AGMO: variants seen among roughly 807,000 people sequenced by gnomAD.
AGMO encodes the protein glyceryl-ether monooxygenase.
Under a neutral mutation model 60.2 loss-of-function variants are expected in AGMO, and 75 were observed. The observed-to-expected ratio is 1.25, with a 90% CI of 1.03 to 1.51. AGMO has a LOEUF of 1.51. Ranked by LOEUF, AGMO falls within the 40% of genes most tolerant of loss-of-function variation. AGMO has a pLI of 0.00. For missense variants in AGMO, 763 were observed against 525.5 expected, an observed-to-expected ratio of 1.45 and a Z score of -4.42; for synonymous variants, 261 against 177.1, an observed-to-expected ratio of 1.47 and a Z score of -3.76.
the AGMO span, among the ~76,000 whole-genome samples, chr7:15,170,994 T>C: frequency 9.9e-5 from 15 of 152,220 alleles, no homozygotes; most frequent in African/African-American, 3.6e-4. Flanking sequence ...TATGTTTTTT[T>C]AGATGGAGTC....
intron 12 of AGMO, among the ~76,000 whole-genome samples, chr7:15,235,538 A>G (rs1190385292): frequency 6.6e-6 from 1 of 152,158 alleles, no homozygotes; most frequent in Non-Finnish European, 1.5e-5. Flanking sequence ...GACGACTAAC[A>G]CAAAGACGGA....
chr7:15,418,053 A>C (rs1172309835), intron 5 of AGMO, among the ~76,000 whole-genome samples: 2 of 152,114 alleles, frequency 1.3e-5, no homozygotes, highest in Non-Finnish European at 2.9e-5. Flanking sequence ...TTTTTTGGAA[A>C]AAAATTAACA....
Position 15,248,193 on chromosome 7 carries a change from T to TATATATATAC in AGMO, c.1264-46835_1264-46834insGTATATATAT, listed in dbSNP as rs1554401229. Among the ~76,000 whole-genome samples the TATATATATAC allele has an allele frequency of 3.2e-4, 23 of 72,408 alleles. 1 individual carries two copies. Among genetic ancestry groups the TATATATATAC allele is most frequent in the Non-Finnish European group, 2.6e-4 (10 of 38,266 alleles). The allele number at this position is 72,408 out of a possible 152,430, so 47.5% of individuals were successfully genotyped here. On this transcript the variant is annotated intron_variant, in intron 12 of 12. Coordinates refer to ENST00000342526, the MANE Select transcript of AGMO (RefSeq NM_001004320.2). ...TGATCCAGCACCATATATATATATATATATATATATATATATATATATATA... is the reference window on the plus strand; with the variant it reads ...TGATCCAGCACCATATATATATATATATATATATACATATATATATATATATATATATATA...
the AGMO span, among the ~76,000 whole-genome samples, chr7:15,138,852 T>A: frequency 6.6e-6 from 1 of 152,156 alleles, no homozygotes. Context: ...AATTGTAAAT[T>A]GACTTTTTCA....
At chr7:15,383,608 T>C (rs956893100) in intron 10 of AGMO, among the ~76,000 whole-genome samples, 2 of 152,188 alleles carry the variant, frequency 1.3e-5, no homozygotes, top group Non-Finnish European at 2.9e-5. Context: ...ATAGGTCTTA[T>C]ATTGAAATTA....
intron 5 of AGMO, among the ~76,000 whole-genome samples, chr7:15,399,262 A>G (rs1219964467): frequency 3.3e-5 from 5 of 151,924 alleles, no homozygotes; most frequent in African/African-American, 1.2e-4. Flanking sequence ...GAAATTTTAT[A>G]AATAAGCACC....
intron 12 of AGMO, among the ~76,000 whole-genome samples, chr7:15,338,004 G>A (rs1342373171): frequency 1.3e-5 from 2 of 152,154 alleles, no homozygotes; most frequent in Admixed American, 6.5e-5. Flanking sequence ...CTCCAGGGAA[G>A]ATGTGACCAA....
chr7:15,502,093 T>A (rs1238370637), intron 3 of AGMO, among the ~76,000 whole-genome samples: 1 of 152,080 alleles, frequency 6.6e-6, no homozygotes, highest in East Asian at 1.9e-4. Flanking sequence ...ATTTGTCCTC[T>A]GTGGGCATTT....
chr7:15,322,527 A>AAAT (rs1781156771), intron 12 of AGMO, among the ~76,000 whole-genome samples: 1 of 54,948 alleles, frequency 1.8e-5, no homozygotes, highest in African/African-American at 1.1e-4. Flanking sequence ...AATATATATA[A>AAAT]ATATATAAAT....
chr7:15,291,461 G>A (rs187320629), intron 12 of AGMO, among the ~76,000 whole-genome samples: 199 of 152,166 alleles, frequency 1.3e-3, no homozygotes, highest in Non-Finnish European at 2.5e-3. Flanking sequence ...CTCAATATTT[G>A]TAATATGAAA....
intron 12 of AGMO, among the ~76,000 whole-genome samples, chr7:15,220,269 A>G (rs1182560380): frequency 8.3e-6 from 1 of 120,812 alleles, no homozygotes; most frequent in Non-Finnish European, 1.6e-5. Context: ...CCCAGGCTGG[A>G]GTGCAGTGGC....
chr7:15,371,853 A>G (rs1305064281), intron 10 of AGMO, among the ~76,000 whole-genome samples: 1 of 152,084 alleles, frequency 6.6e-6, no homozygotes, highest in Non-Finnish European at 1.5e-5. Flanking sequence ...CCAATATTTT[A>G]TATTCCTCAA....
chr7:15,480,695 A>T (rs1782725015), intron 3 of AGMO, among the ~76,000 whole-genome samples: 1 of 152,184 alleles, frequency 6.6e-6, no homozygotes, highest in African/African-American at 2.4e-5. Context: ...CCCATTTCAC[A>T]AGAAAATTTT....
chr7:15,359,696 A>C (rs1223934075), intron 12 of AGMO, among the ~76,000 whole-genome samples: 1 of 152,174 alleles, frequency 6.6e-6, no homozygotes, highest in African/African-American at 2.4e-5. Context: ...CCCCTGGTTC[A>C]TTTCTCACTA....
Position 15,553,321 on chromosome 7 carries a change from TAAA to T in AGMO, c.257+6817_257+6819del, listed in dbSNP as rs200805821. Among the ~76,000 whole-genome samples the T allele has an allele frequency of 2.2e-3, 314 of 145,064 alleles. 1 individual carries two copies. Among genetic ancestry groups the T allele is most frequent in the African/African-American group, 7.7e-3 (305 of 39,556 alleles). On this transcript the variant is annotated intron_variant, in intron 2 of 12. Coordinates refer to ENST00000342526, the MANE Select transcript of AGMO (RefSeq NM_001004320.2). ...ATGTACCCTAAAACTTAAAGTATAA[TAAA>T]AAAAATAAATAAATAAATAAAATAA...
chr7:15,278,906 C>A lies in AGMO; in HGVS notation c.1264-77547G>T, dbSNP rs779332529. ...TGAGGAACTGACACTGAAGCATGGA[C>A]CCCATTTAGCAGTGGGTTGGGGAGG... On this transcript the variant is annotated intron_variant, in intron 12 of 12. Coordinates refer to ENST00000342526, the MANE Select transcript of AGMO (RefSeq NM_001004320.2). Among the ~76,000 whole-genome samples, 5 of 152,242 alleles carry A rather than the reference C, an allele frequency of 3.3e-5. No individual in the cohort carries two copies. The South Asian group carries it at 6.2e-4, about 19-fold the overall frequency.
chr7:15,258,040 A>G (rs1783152296), intron 12 of AGMO, among the ~76,000 whole-genome samples: 1 of 152,204 alleles, frequency 6.6e-6, no homozygotes, highest in Non-Finnish European at 1.5e-5. Flanking sequence ...ATGATTCTCC[A>G]TTCTTCATTA....
intron 12 of AGMO, among the ~76,000 whole-genome samples, chr7:15,333,764 A>G (rs1045109349): frequency 6.6e-6 from 1 of 152,116 alleles, no homozygotes; most frequent in African/African-American, 2.4e-5. Flanking sequence ...AGACATCACA[A>G]TCAGTGATTC....
At chr7:15,503,384 T>C (rs2128526194) in intron 3 of AGMO, among the ~76,000 whole-genome samples, 1 of 152,168 alleles carries the variant, frequency 6.6e-6, no homozygotes, top group African/African-American at 2.4e-5. Context: ...TTATAGCTGC[T>C]GGGTCACAGA....
Sources: allele counts gnomAD v4.1 joint callset (sites outside exome capture counted in the v4.1 genomes callset), GRCh38; gene constraint gnomAD v4.1.1; transcripts MANE v1.5; gene names NCBI Gene and HGNC (gene_info 2026-07-23, HGNC 2026-07-21).